TRIP11: variants seen among roughly 807,000 people sequenced by gnomAD.
TRIP11 encodes the protein thyroid hormone receptor interactor 11.
A neutral mutation model predicts 223.1 loss-of-function variants in TRIP11; 148 were observed. The ratio of observed to expected loss-of-function variants is 0.66; its 90% CI spans 0.58 to 0.76. The LOEUF is 0.76. Ranked by LOEUF, TRIP11 falls within the 30% of genes least tolerant of loss-of-function variation. TRIP11 has a pLI of 0.00. For synonymous variants in TRIP11, 762 were observed against 772.6 expected (o/e 0.99, Z 0.23); for missense variants, 2,043 against 2,222.0 (o/e 0.92, Z 1.62).
At position 92,003,451 on chromosome 14, in the gene TRIP11, C is replaced by T; in HGVS notation, c.4525G>A (p.Ala1509Thr). 3 of 1,613,928 alleles carry T rather than the reference C, an allele frequency of 1.9e-6. No individual in the cohort carries two copies. The highest frequency in any genetic ancestry group is 2.5e-6 in the Non-Finnish European group (3 of 1,180,006). ...TTCTCTTTCAATAGCTGTTCAAAAG[C>T]AAGAGCCTTCTCCTTCATTGAGTGG... ...ECHSMKEKALAFEQLLKEKEQ... is the reference protein window; with the variant it reads ...ECHSMKEKALTFEQLLKEKEQ... Residue 1509 changes from alanine (A) to threonine (T), a missense_variant, in exon 11 of 21, where the codon GCT (alanine) becomes ACT (threonine). Coordinates refer to ENST00000267622, the MANE Select transcript of TRIP11 (RefSeq NM_004239.4).
At chr14:92,027,637 A>C (rs1372555466) in intron 2 of TRIP11, among the ~76,000 whole-genome samples, 1 of 152,222 alleles carries the variant, frequency 6.6e-6, no homozygotes, top group East Asian at 1.9e-4. Context: ...AGAATTTACA[A>C]ATAATTGCAG....
At position 92,021,578 on chromosome 14, in the gene TRIP11, C is replaced by G; in HGVS notation, c.566G>C (p.Gly189Ala). The change falls in exon 4 of 21, where the codon GGC (glycine) becomes GCC (alanine). Residue 189 changes from glycine to alanine, a missense_variant. Physicochemically the swap from Gly to Ala is moderately conservative, Grantham distance 60. Coordinates refer to ENST00000267622, the MANE Select transcript of TRIP11 (RefSeq NM_004239.4). ...TACCTGAGCAATATGCCTCCAATGG[C>G]CAACTTCAGACTCAAGTCTTGAAAC... ...NEVSRLESEV[G>A]HWRHIAQTSK... 6.2e-7 allele frequency: 1 copy of G among 1,614,108 alleles called. No individual in the cohort carries two copies. Among genetic ancestry groups the G allele is most frequent in the Non-Finnish European group, 8.5e-7 (1 of 1,180,018 alleles).
rs768157176 is a variant in TRIP11, at chr14:91,966,183, A to C, written c.*3490T>G. The C allele has an allele frequency of 2.3e-5, 4 of 175,782 alleles. No individual in the cohort carries two copies. The highest frequency in any genetic ancestry group is 4.9e-5 in the Non-Finnish European group (4 of 81,340). 10.9% of individuals were successfully genotyped at this position (175,782 alleles called of 1,614,324 possible). ...TCCCACGTTTAGATATTTCCCTAAAAATCAAAAGACAATTTAAATTGTTTT... is the reference window on the plus strand; with the variant it reads ...TCCCACGTTTAGATATTTCCCTAAACATCAAAAGACAATTTAAATTGTTTT... On this transcript the variant is annotated 3_prime_UTR_variant, in exon 21 of 21. Transcript: ENST00000267622.
chr14:91,968,972 G>C lies in TRIP11; in HGVS notation c.*701C>G. ...CACATGAATTTACACACAGGGCCAG[G>C]CGCAGTGGCTCATGCCTTAATCCCA... On this transcript the variant is annotated 3_prime_UTR_variant, in exon 21 of 21. Coordinates refer to ENST00000267622, the MANE Select transcript of TRIP11 (RefSeq NM_004239.4). The C allele has an allele frequency of 4.4e-6, 1 of 226,820 alleles. No individual in the cohort carries two copies. The highest frequency in any genetic ancestry group is 8.8e-6 in the Non-Finnish European group (1 of 114,056). The allele number at this position is 226,820 out of a possible 1,614,324, so 14.1% of individuals were successfully genotyped here. A position where few individuals can be genotyped will look rare whatever the true frequency, so the allele number is the denominator to read the frequency against.
At chr14:91,979,049 G>A (rs2056503360) in intron 16 of TRIP11, among the ~76,000 whole-genome samples, 1 of 152,054 alleles carries the variant, frequency 6.6e-6, no homozygotes, top group South Asian at 2.1e-4. Flanking sequence ...TTGAGCTCAG[G>A]AGTTTGAGAC....
intron 2 of TRIP11, among the ~76,000 whole-genome samples, chr14:92,031,470 A>G (rs530810286): frequency 1.4e-4 from 21 of 152,168 alleles, no homozygotes; most frequent in Non-Finnish European, 2.5e-4. Context: ...CCAGCTACTC[A>G]AGAGGCTGAA....
chr14:91,985,730 G>A (rs1398858317), intron 16 of TRIP11, among the ~76,000 whole-genome samples: 1 of 151,976 alleles, frequency 6.6e-6, no homozygotes, highest in African/African-American at 2.4e-5. Context: ...GTTTCTCCTG[G>A]CAAATATTTT....
Position 91,978,231 on chromosome 14 carries a change from C to T in TRIP11, c.5261-2042G>A, listed in dbSNP as rs1258734216. 3.3e-5 allele frequency among the ~76,000 whole-genome samples: 5 copies of T among 152,186 alleles called. No individual in the cohort carries two copies. The highest frequency in any genetic ancestry group is 3.3e-4 in the Admixed American group (5 of 15,276). ...CAGCAAATAAGTTAATCTCTCGTCACTGTTTTGACTTAACCGTCCCACTCA... is the reference window on the plus strand; with the variant it reads ...CAGCAAATAAGTTAATCTCTCGTCATTGTTTTGACTTAACCGTCCCACTCA... On this transcript the variant is annotated intron_variant, in intron 16 of 20. Coordinates refer to ENST00000267622, the MANE Select transcript of TRIP11 (RefSeq NM_004239.4). This position sits in a 1 kb window ranked among gnomAD's most constrained non-coding sequence, Gnocchi z 4.4.
intron 3 of TRIP11, among the ~76,000 whole-genome samples, chr14:92,024,701 A>C (rs1415177524): frequency 6.6e-6 from 1 of 152,228 alleles, no homozygotes; most frequent in Non-Finnish European, 1.5e-5. Flanking sequence ...ATATAACAGG[A>C]AATGGTTCCA....
At chr14:91,996,407 C>T (rs751922321) in intron 13 of TRIP11, among the ~76,000 whole-genome samples, 3 of 152,056 alleles carry the variant, frequency 2.0e-5, no homozygotes, top group African/African-American at 4.8e-5. Context: ...CCAGGTGAGG[C>T]GGCTCTCACA....
intron 16 of TRIP11, among the ~76,000 whole-genome samples, chr14:91,981,086 G>A (rs536389661): frequency 3.8e-5 from 5 of 130,552 alleles, no homozygotes; most frequent in African/African-American, 1.5e-4. Context: ...TGGCGCCCCA[G>A]CTCACTGCAA....
At chr14:92,029,277 A>ATT (rs2057229563) in intron 2 of TRIP11, among the ~76,000 whole-genome samples, 1 of 97,142 alleles carries the variant, frequency 1.0e-5, no homozygotes, top group Admixed American at 1.1e-4. Flanking sequence ...TGCCCAAAGT[A>ATT]TTATTTTTTT....
chr14:91,990,088 C>T (rs2056653666), intron 15 of TRIP11, among the ~76,000 whole-genome samples: 1 of 152,134 alleles, frequency 6.6e-6, no homozygotes, highest in African/African-American at 2.4e-5. Flanking sequence ...ATGTGTGTAT[C>T]CATATATATC....
chr14:92,011,820 A>T (rs773108968), intron 7 of TRIP11, 25 bp from the exon 8 acceptor site: 3 of 1,606,280 alleles, frequency 1.9e-6, no homozygotes, highest in Non-Finnish European at 2.6e-6. Flanking sequence ...AATGAACTTG[A>T]CATTAAAATT....
rs1314635282 is a variant in TRIP11 at position 92,007,667 on chromosome 14, C to T, written c.1500G>A (p.Leu500=). The T allele has an allele frequency of 6.2e-7, 1 of 1,613,492 alleles. No homozygotes were observed. Among genetic ancestry groups the T allele is most frequent in the Non-Finnish European group, 8.5e-7 (1 of 1,179,936 alleles). The change falls in exon 10 of 21, where the codon TTG becomes TTA. Residue 500 remains leucine, a synonymous_variant. Coordinates refer to ENST00000267622, the MANE Select transcript of TRIP11 (RefSeq NM_004239.4). ...TTGTAGCTTCTTGATTCTGTCTGTC[C>T]AATTCTTCTATCTCAGCTATCAGTG... ...KETLIAEIEE[L]DRQNQEATKH... is the part of the protein sequence containing the mutation.
chr14:92,011,856 T>C (rs971566451), intron 7 of TRIP11, 61 bp from the exon 8 acceptor site: 5 of 1,511,110 alleles, frequency 3.3e-6, no homozygotes, highest in Admixed American at 1.7e-5. Flanking sequence ...TTATCTTCAA[T>C]ATTAAACTCA....
At chr14:92,009,741 T>A (rs2056948474) in intron 9 of TRIP11, among the ~76,000 whole-genome samples, 1 of 152,230 alleles carries the variant, frequency 6.6e-6, no homozygotes, top group Non-Finnish European at 1.5e-5. Flanking sequence ...ACTGCATATA[T>A]ACTAATGTGG....
intron 16 of TRIP11, among the ~76,000 whole-genome samples, chr14:91,976,893 G>A (rs1341488771): frequency 6.6e-6 from 1 of 152,220 alleles, no homozygotes; most frequent in Admixed American, 6.5e-5. Context: ...AATTACAACA[G>A]GAGATACCCT....
At chr14:91,988,633 T>TAAAAAAAAAA (rs749287959) in intron 15 of TRIP11, among the ~76,000 whole-genome samples, 2 of 99,514 alleles carry the variant, frequency 2.0e-5, no homozygotes, top group African/African-American at 3.7e-5. Context: ...ATGACAGAAG[T>TAAAAAAAAAA]AAAAAAAAAA....
Sources: allele counts gnomAD v4.1 joint callset (sites outside exome capture counted in the v4.1 genomes callset), GRCh38; gene constraint gnomAD v4.1.1; non-coding constraint Gnocchi (gnomAD v3.1); transcripts MANE v1.5; gene names NCBI Gene and HGNC (gene_info 2026-07-23, HGNC 2026-07-21).